The following ARHGEF15 variants were observed in gnomAD, a reference collection of about 807,000 sequenced individuals.
The protein encoded by ARHGEF15 is Rho guanine nucleotide exchange factor 15.
A neutral mutation model predicts 79.7 loss-of-function variants in ARHGEF15; 58 were observed. The observed-to-expected ratio is 0.73, with a 90% CI of 0.59 to 0.91. ARHGEF15 has a LOEUF of 0.91. ARHGEF15 is among the 40% of genes least tolerant of loss of function. ARHGEF15 has a pLI of 0.00. For missense variants in ARHGEF15, 1,012 were observed against 1,108.1 expected, an observed-to-expected ratio of 0.91 and a Z score of 1.23; for synonymous variants, 442 against 456.0, an observed-to-expected ratio of 0.97 and a Z score of 0.39.
chr17:8,319,576 C>T lies in ARHGEF15; in HGVS notation c.2347C>T (p.Pro783Ser). 6.2e-7 allele frequency: 1 copy of T among 1,603,578 alleles called. No individual in the cohort carries two copies. The highest frequency in any genetic ancestry group is 2.2e-5 in the East Asian group (1 of 44,634). ...ACGGAGTCTGGAGTCCAGGGCTGCC[C>T]CCAAACACCTGCACAAGACCCCTGA... ...EGRSLESRAA[P>S]KHLHKTPEGW... The change falls in exon 15 of 16, where the codon CCC becomes TCC. Residue 783 changes from proline (P) to serine (S), a missense_variant. Transcript: ENST00000361926.
chr17:8,312,143 G>C lies in ARHGEF15; in HGVS notation c.104G>C (p.Gly35Ala), dbSNP rs887317779. The C allele has an allele frequency of 6.3e-7, 1 of 1,579,172 alleles. No individual in the cohort carries two copies. The highest frequency in any genetic ancestry group is 1.8e-5 in the Admixed American group (1 of 55,602). Reference protein sequence around the residue: ...PSRSRAAQSPGPPHNGSSPQE... With the variant: ...PSRSRAAQSPAPPHNGSSPQE... ...CGTTCCAGGGCTGCCCAGTCCCCAG[G>C]GCCTCCCCACAATGGCTCCTCTCCA... is the stretch of plus-strand genomic sequence containing the variant. The change falls in exon 2 of 16, where the codon GGG becomes GCG. Residue 35 changes from glycine to alanine, a missense_variant. By Grantham distance (60) the Gly-to-Ala change is moderately conservative. Coordinates refer to ENST00000361926, the MANE Select transcript of ARHGEF15 (RefSeq NM_173728.4).
At chr17:8,314,470 C>T (rs1054779964) in intron 4 of ARHGEF15, among the ~76,000 whole-genome samples, 1 of 151,978 alleles carries the variant, frequency 6.6e-6, no homozygotes, top group Admixed American at 6.6e-5. Flanking sequence ...CCTTGACACA[C>T]AAATAGGGCG....
At chr17:8,314,780 G>T in intron 4 of ARHGEF15, 126 bp from the exon 5 acceptor site, 8 of 818,218 alleles carry the variant, frequency 9.8e-6, no homozygotes, top group South Asian at 2.2e-5. Context: ...GGTTTGATTT[G>T]GGGAGCCGTC....
chr17:8,315,253 C>T lies in ARHGEF15; in HGVS notation c.1236C>T (p.Ser412=). ...CCAGCGGTCTTCTGGATACCCTCAG[C>T]CCCCAGGAGAGGCGCATGCAGGAGG... The part of the protein sequence containing the change: ...VQASGLLDTL[S]PQERRMQESL... Residue 412 remains serine, a synonymous_variant, in exon 6 of 16, where the codon AGC becomes AGT. Transcript: ENST00000361926. The surrounding 1 kb of genome is among the most constrained non-coding windows in gnomAD (Gnocchi z 4.3). 6.2e-7 allele frequency: 1 copy of T among 1,613,212 alleles called. No individual in the cohort carries two copies. The highest frequency in any genetic ancestry group is 1.1e-5 in the South Asian group (1 of 91,064).
In ARHGEF15 at chr17:8,319,562, A is replaced by C; in HGVS notation, c.2333A>C (p.Glu778Ala). ...APAKTEGRSL[E>A]SRAAPKHLHK... ...GCCAAGACTGAAGGACGGAGTCTGGAGTCCAGGGCTGCCCCCAAACACCTG... is the reference window on the plus strand; with the variant it reads ...GCCAAGACTGAAGGACGGAGTCTGGCGTCCAGGGCTGCCCCCAAACACCTG... Residue 778 changes from glutamate to alanine, a missense_variant, in exon 15 of 16, where the codon GAG becomes GCG. Physicochemically the swap from Glu to Ala is moderately radical, Grantham distance 107. This residue lies in a region of ARHGEF15 where 132 missense variants were observed against 124.2 expected (regional missense o/e 1.06). Transcript: ENST00000361926. The C allele has an allele frequency of 6.2e-7, 1 of 1,608,882 alleles. No homozygotes were observed. Among genetic ancestry groups the C allele is most frequent in the Non-Finnish European group, 8.5e-7 (1 of 1,178,476 alleles).
Position 8,318,867 on chromosome 17 carries a change from C to T in ARHGEF15, c.1990C>T (p.Leu664=), listed in dbSNP as rs775010360. Residue 664 remains leucine, a synonymous_variant, in exon 12 of 16, where the codon CTG becomes TTG. Coordinates refer to ENST00000361926, the MANE Select transcript of ARHGEF15 (RefSeq NM_173728.4). The surrounding 1 kb of genome is among the most constrained non-coding windows in gnomAD (Gnocchi z 5.0). ...GCGCCCCCGCTTCACCCCTCTTTGC[C>T]TGCTGCTCTTTAGCGACCTGCTGCT... ...ASRPRFTPLC[L]LLFSDLLLIT... 40 of 1,613,268 alleles carry T rather than the reference C, an allele frequency of 2.5e-5. No homozygotes were observed. The highest frequency in any genetic ancestry group is 1.8e-4 in the Admixed American group (11 of 60,004).
intron 3 of ARHGEF15, 86 bp downstream of exon 3, chr17:8,313,340 C>T: frequency 6.6e-7 from 1 of 1,522,052 alleles, no homozygotes; most frequent in Non-Finnish European, 8.9e-7. Context: ...AACTACAATC[C>T]CCAACAGGCA....
chr17:8,319,465 C>T (rs770349422), intron 14 of ARHGEF15, 34 bp from the exon 15 acceptor site: 8 of 1,590,672 alleles, frequency 5.0e-6, no homozygotes, highest in Non-Finnish European at 6.9e-6. Context: ...AGAAGCTAAA[C>T]AGAATCACTT....
rs762291992 is a variant in ARHGEF15, at chr17:8,318,613, C to A, written c.1823C>A (p.Thr608Asn). ...CSAEVGRMKQTEELIRLTQRL... is the reference protein window; with the variant it reads ...CSAEVGRMKQNEELIRLTQRL... ...GCTGAGGTGGGGCGCATGAAGCAGA[C>A]TGAAGAGCTGATCCGGCTCACCCAA... The change falls in exon 11 of 16, where the codon ACT becomes AAT. Residue 608 changes from threonine (T) to asparagine (N), a missense_variant. Coordinates refer to ENST00000361926, the MANE Select transcript of ARHGEF15 (RefSeq NM_173728.4). This position sits in a 1 kb window ranked among gnomAD's most constrained non-coding sequence, Gnocchi z 5.0. The A allele has an allele frequency of 6.2e-7, 1 of 1,613,750 alleles. No individual in the cohort carries two copies. Among genetic ancestry groups the A allele is most frequent in the South Asian group, 1.1e-5 (1 of 91,074 alleles).
intron 4 of ARHGEF15, chr17:8,313,792 G>T: frequency 2.5e-6 from 1 of 401,258 alleles, no homozygotes; most frequent in South Asian, 9.5e-5. Context: ...CACTCTGGGA[G>T]GCCGCGGCAG....
At chr17:8,320,071 C>T (rs563923345) in intron 15 of ARHGEF15, among the ~76,000 whole-genome samples, 6 of 152,044 alleles carry the variant, frequency 3.9e-5, no homozygotes, top group South Asian at 2.1e-4. Flanking sequence ...TGAGCCACTG[C>T]GCCTGGCCGT....
rs755842800 is a variant in ARHGEF15 at position 8,313,500 on chromosome 17, G to A, written c.935-1G>A. 1.2e-6 allele frequency: 2 copies of A among 1,613,030 alleles called. No individual in the cohort carries two copies. Among genetic ancestry groups the A allele is most frequent in the Admixed American group, 3.3e-5 (2 of 59,866 alleles). ...CTCTTCACTCTGGCTTCTCTCTCCAGGGGACAGTCCTGATGAAGCTCCTCA... is the reference window on the plus strand; with the variant it reads ...CTCTTCACTCTGGCTTCTCTCTCCAAGGGACAGTCCTGATGAAGCTCCTCA... On this transcript the variant is annotated splice_acceptor_variant, in intron 3 of 15. Coordinates refer to ENST00000361926, the MANE Select transcript of ARHGEF15 (RefSeq NM_173728.4). LOFTEE classifies it high-confidence loss of function.
chr17:8,310,399 C>T (rs1904529419), intron 1 of ARHGEF15, 56 bp downstream of exon 1: 1 of 152,132 alleles, frequency 6.6e-6, no homozygotes, highest in Non-Finnish European at 1.5e-5. Context: ...GGGAGGGTCC[C>T]TGGGTGTGAA....
chr17:8,313,477 C>A, intron 3 of ARHGEF15, 24 bp from the exon 4 acceptor site: 2 of 1,601,494 alleles, frequency 1.2e-6, no homozygotes, highest in Non-Finnish European at 8.5e-7. Flanking sequence ...TTTTTTTTCT[C>A]TTCACTCTGG....
intron 1 of ARHGEF15, 35 bp from the exon 2 acceptor site, chr17:8,311,956 C>T: frequency 7.1e-7 from 1 of 1,416,840 alleles, no homozygotes; most frequent in East Asian, 2.6e-5. Context: ...CTGTGGGGCA[C>T]TAAGGGTCTT....
chr17:8,319,125 C>T lies in ARHGEF15; in HGVS notation c.2152C>T (p.Arg718Cys), dbSNP rs199891313. Residue 718 changes from arginine to cysteine, a missense_variant, in exon 13 of 16, where the codon CGC becomes TGC. Physicochemically the swap from Arg to Cys is radical, Grantham distance 180. Coordinates refer to ENST00000361926, the MANE Select transcript of ARHGEF15 (RefSeq NM_173728.4). ...RLSLLSNHQGRPTHRLLQASS... is the reference protein window; with the variant it reads ...RLSLLSNHQGCPTHRLLQASS... ...CTCCCTTCTCAGCAACCACCAGGGC[C>T]GCCCCACCCACCGACTACTCCAAGC... 35 of 1,613,934 alleles carry T rather than the reference C, an allele frequency of 2.2e-5. No homozygotes were observed. The African/African-American group carries it at 2.8e-4, about 13-fold the overall frequency.
At chr17:8,316,831 G>A (rs948326781) in intron 9 of ARHGEF15, among the ~76,000 whole-genome samples, 6 of 152,208 alleles carry the variant, frequency 3.9e-5, no homozygotes, top group Non-Finnish European at 5.9e-5. Context: ...CTCCCAGGCT[G>A]GAGTACAGTG....
At position 8,315,441 on chromosome 17, in the gene ARHGEF15, G is replaced by A. The variant is rs1333810948; in HGVS notation, c.1288G>A (p.Ala430Thr). 2 of 1,613,780 alleles carry A rather than the reference G, an allele frequency of 1.2e-6. No homozygotes were observed. ...ESLFEVVTSE[A>T]SYLRSLRLLT... ...TCTTTTCGAGGTGGTGACGTCCGAG[G>A]CTTCCTACCTGCGCTCCCTGCGGCT... The change falls in exon 7 of 16, where the codon GCT (alanine) becomes ACT (threonine). Residue 430 changes from alanine to threonine, a missense_variant. Ala to Thr is a moderately conservative substitution (Grantham distance 58). Coordinates refer to ENST00000361926, the MANE Select transcript of ARHGEF15 (RefSeq NM_173728.4). The surrounding 1 kb of genome is among the most constrained non-coding windows in gnomAD (Gnocchi z 4.3).
chr17:8,320,970 A>AC lies in ARHGEF15; in HGVS notation c.2508dup (p.Asn837GlnfsTer57), dbSNP rs1344405299. 6 of 1,613,558 alleles carry AC rather than the reference A, an allele frequency of 3.7e-6. No homozygotes were observed. The highest frequency in any genetic ancestry group is 2.7e-5 in the African/African-American group (2 of 74,776). ...CGAGGCTGTTGGATCTTCTTCAGGC[A>AC]CCCCCAATGCCCCCCCACCCTAATG... On this transcript the variant is annotated frameshift_variant, in exon 16 of 16. Coordinates refer to ENST00000361926, the MANE Select transcript of ARHGEF15 (RefSeq NM_173728.4). LOFTEE classifies it high-confidence loss of function.
Sources: gnomAD v4.1 joint callset for allele counts (sites outside exome capture counted in the v4.1 genomes callset) on GRCh38, gnomAD v4.1.1 for gene constraint, gnomAD v4.1.1 regional missense constraint, Gnocchi (gnomAD v3.1) non-coding constraint, MANE v1.5 for transcripts, NCBI Gene and HGNC (gene_info 2026-07-23, HGNC 2026-07-21) for gene names.